The following CNBD1 variants were observed in gnomAD, a reference collection of about 807,000 sequenced individuals.
The protein encoded by CNBD1 is cyclic nucleotide-binding domain-containing protein 1.
CNBD1 carries 71 observed loss-of-function variants against 54.4 expected under a neutral mutation model. That is an observed-to-expected ratio of 1.30 (90% CI 1.08 to 1.59). CNBD1 has a LOEUF of 1.59. CNBD1 is among the 40% of genes most tolerant of loss of function. The pLI, the probability that CNBD1 is intolerant of heterozygous loss-of-function variation, is 0.00. For synonymous variants in CNBD1, 182 were observed against 170.7 expected (o/e 1.07, Z -0.51); for missense variants, 659 against 518.0 (o/e 1.27, Z -2.64).
intron 2 of CNBD1, among the ~76,000 whole-genome samples, chr8:87,389,350 C>T (rs1024539908): frequency 1.3e-5 from 2 of 152,134 alleles, no homozygotes; most frequent in Admixed American, 6.6e-5. Context: ...ATCTAGAAAA[C>T]CCCAGCGTCT....
Position 87,391,999 on chromosome 8 carries a change from A to G in CNBD1, c.214-36547A>G, listed in dbSNP as rs1400290838. ...CAACTGTGTAATTAAAAATTAATGAAGGGCAGGAATGGGCCTTTCTCTAAA... is the reference window on the plus strand; with the variant it reads ...CAACTGTGTAATTAAAAATTAATGAGGGGCAGGAATGGGCCTTTCTCTAAA... On this transcript the variant is annotated intron_variant, in intron 2 of 7. Transcript: ENST00000521593. Among the ~76,000 whole-genome samples the G allele has an allele frequency of 4.6e-5, 7 of 152,088 alleles. No individual in the cohort carries two copies. The East Asian group carries it at 1.4e-3, about 29-fold the overall frequency.
chr8:86,870,756 A>G (rs1280975965), intron 1 of CNBD1, among the ~76,000 whole-genome samples: 2 of 152,186 alleles, frequency 1.3e-5, no homozygotes, highest in Non-Finnish European at 2.9e-5. Context: ...CTTGTCAGTG[A>G]CGAAGAAAAA....
intron 8 of CNBD1, among the ~76,000 whole-genome samples, chr8:87,300,750 T>C (rs1441383838): frequency 6.6e-6 from 1 of 151,882 alleles, no homozygotes. Flanking sequence ...GTTTGGAGGG[T>C]GAAGGCCTCT....
intron 6 of CNBD1, among the ~76,000 whole-genome samples, chr8:87,281,545 T>TAGATATAGATATAG (rs1351929699): frequency 9.3e-4 from 1 of 1,078 alleles, no homozygotes; most frequent in African/African-American, 1.3e-3. Context: ...GGCTAAGATA[T>TAGATATAGATATAG]ATATATATAT....
chr8:86,889,643 T>G (rs973689667), intron 2 of CNBD1, among the ~76,000 whole-genome samples: 1 of 152,108 alleles, frequency 6.6e-6, no homozygotes, highest in African/African-American at 2.4e-5. Flanking sequence ...GATTTTTTAT[T>G]GAAGATAAAA....
chr8:87,092,335 T>C (rs1474006273), intron 4 of CNBD1, among the ~76,000 whole-genome samples: 1 of 151,178 alleles, frequency 6.6e-6, no homozygotes, highest in African/African-American at 2.4e-5. Flanking sequence ...GATTCCATAA[T>C]ACTGGCTCAG....
intron 4 of CNBD1, among the ~76,000 whole-genome samples, chr8:87,060,899 T>A (rs1455135429): frequency 1.3e-5 from 2 of 152,102 alleles, no homozygotes; most frequent in African/African-American, 4.8e-5. Context: ...GCATTTTTGC[T>A]TATGGAGGAA....
At chr8:87,265,572 A>G (rs938264420) in intron 6 of CNBD1, among the ~76,000 whole-genome samples, 1 of 152,168 alleles carries the variant, frequency 6.6e-6, no homozygotes, top group African/African-American at 2.4e-5. Flanking sequence ...AAAGTAAATA[A>G]TAGGAATTAT....
At chr8:87,064,596 TC>T in intron 4 of CNBD1, among the ~76,000 whole-genome samples, 1 of 152,042 alleles carries the variant, frequency 6.6e-6, no homozygotes, top group African/African-American at 2.4e-5. Context: ...TTGTTTCTAG[TC>T]ATCTCTCCAA....
chr8:87,236,571 TA>T (rs938073126), intron 5 of CNBD1, among the ~76,000 whole-genome samples: 1 of 151,910 alleles, frequency 6.6e-6, no homozygotes, highest in African/African-American at 2.4e-5. Flanking sequence ...TCATAAACAT[TA>T]AAAAACATTC....
At chr8:87,105,906 G>A (rs1241531342) in intron 4 of CNBD1, among the ~76,000 whole-genome samples, 1 of 152,006 alleles carries the variant, frequency 6.6e-6, no homozygotes, top group Non-Finnish European at 1.5e-5. Context: ...GTCATTTGGG[G>A]ATTTTCTTTG....
downstream of CNBD1, among the ~76,000 whole-genome samples, chr8:87,386,159 G>A (rs1337469236): frequency 6.6e-6 from 1 of 152,004 alleles, no homozygotes; most frequent in Non-Finnish European, 1.5e-5. Context: ...CACAAAGTTG[G>A]GGAAAAAACA....
chr8:87,396,395 A>C (rs758686900), intron 2 of CNBD1, among the ~76,000 whole-genome samples: 7 of 151,910 alleles, frequency 4.6e-5, no homozygotes, highest in Non-Finnish European at 8.8e-5. Flanking sequence ...TGTCACTGAA[A>C]TCTACATGCC....
At chr8:87,065,921 A>G (rs1810640201) in intron 4 of CNBD1, among the ~76,000 whole-genome samples, 1 of 151,970 alleles carries the variant, frequency 6.6e-6, no homozygotes, top group Non-Finnish European at 1.5e-5. Flanking sequence ...GGTTGTTGAT[A>G]AGTTTCAAAG....
At chr8:87,294,862 A>C (rs1413539332) in intron 8 of CNBD1, among the ~76,000 whole-genome samples, 1 of 152,034 alleles carries the variant, frequency 6.6e-6, no homozygotes, top group Non-Finnish European at 1.5e-5. Flanking sequence ...TAAAGGTACA[A>C]ATTCAGAATA....
chr8:87,165,383 G>C (rs1812940891), intron 4 of CNBD1, among the ~76,000 whole-genome samples: 1 of 151,808 alleles, frequency 6.6e-6, no homozygotes, highest in African/African-American at 2.4e-5. Flanking sequence ...TTATATTGCT[G>C]TCCAATTCTT....
At chr8:87,086,211 A>G (rs895213229) in intron 4 of CNBD1, among the ~76,000 whole-genome samples, 1 of 152,106 alleles carries the variant, frequency 6.6e-6, no homozygotes, top group African/African-American at 2.4e-5. Context: ...ATTCAATAAT[A>G]CTTTTTAGCT....
intron 4 of CNBD1, among the ~76,000 whole-genome samples, chr8:86,958,868 A>G (rs956395389): frequency 1.3e-5 from 2 of 152,196 alleles, no homozygotes; most frequent in Admixed American, 6.5e-5. Flanking sequence ...TGATCCTGTC[A>G]TTATGATATT....
intron 4 of CNBD1, among the ~76,000 whole-genome samples, chr8:86,960,064 G>A (rs1249690588): frequency 6.6e-6 from 1 of 152,158 alleles, no homozygotes; most frequent in Non-Finnish European, 1.5e-5. Flanking sequence ...ACAGCTCCCA[G>A]TGTAAGCAAT....
Sources: allele counts gnomAD v4.1 joint callset (sites outside exome capture counted in the v4.1 genomes callset), GRCh38; gene constraint gnomAD v4.1.1; transcripts MANE v1.5; gene names NCBI Gene and HGNC (gene_info 2026-07-23, HGNC 2026-07-21).